The following DISP3 variants were observed in gnomAD, a reference collection of about 807,000 sequenced individuals.
DISP3 encodes the protein dispatched RND transporter family member 3.
A neutral mutation model predicts 135.3 loss-of-function variants in DISP3; 101 were observed. The ratio of observed to expected loss-of-function variants is 0.75; its 90% CI spans 0.64 to 0.88. DISP3 has a LOEUF of 0.88. Ranked by LOEUF, DISP3 falls within the 40% of genes least tolerant of loss-of-function variation. The probability of loss-of-function intolerance (pLI) is 0.00; values close to 1 mark genes in which losing one functional copy is unlikely to be tolerated. For missense variants in DISP3, 1,713 were observed against 1,878.6 expected, an observed-to-expected ratio of 0.91 and a Z score of 1.63; for synonymous variants, 856 against 817.0, an observed-to-expected ratio of 1.05 and a Z score of -0.81.
rs1254644188 is a variant in DISP3 at position 11,531,172 on chromosome 1, G to C, written c.3229+139G>C. ...TCTTTTGCAGATGTGTATCTGTGCT[G>C]AGCATGTCCACACCAGGGTGGGGTG... On this transcript the variant is annotated intron_variant, in intron 16 of 20. Coordinates refer to ENST00000294484, the MANE Select transcript of DISP3 (RefSeq NM_020780.2). This position sits in a 1 kb window ranked among gnomAD's most constrained non-coding sequence, Gnocchi z 5.2. 11 of 1,376,686 alleles carry C rather than the reference G, an allele frequency of 8.0e-6. No individual in the cohort carries two copies. The highest frequency in any genetic ancestry group is 9.8e-6 in the Non-Finnish European group (10 of 1,015,340). The allele number at this position is 1,376,686 out of a possible 1,614,324, so 85.3% of individuals were successfully genotyped here. A position where few individuals can be genotyped will look rare whatever the true frequency, so the allele number is the denominator to read the frequency against.
chr1:11,523,198 G>A (rs939428648), intron 10 of DISP3, among the ~76,000 whole-genome samples: 3 of 152,272 alleles, frequency 2.0e-5, no homozygotes, highest in Non-Finnish European at 4.4e-5. Context: ...GGATGGCTGT[G>A]AGGATTAAAA....
intron 1 of DISP3, among the ~76,000 whole-genome samples, chr1:11,493,885 G>T (rs576790599): frequency 6.6e-6 from 1 of 152,338 alleles, no homozygotes; most frequent in African/African-American, 2.4e-5. Context: ...AGCTTCTGAG[G>T]TTGGTGGGAG....
chr1:11,534,396 A>T lies in DISP3; in HGVS notation c.3391A>T (p.Lys1131Ter). 6.2e-7 allele frequency: 1 copy of T among 1,614,238 alleles called. No individual in the cohort carries two copies. The highest frequency in any genetic ancestry group is 8.5e-7 in the Non-Finnish European group (1 of 1,180,036). Residue 1131 changes from lysine to a stop codon, truncating the protein, a stop_gained, in exon 18 of 21, where the codon AAA becomes TAA. Transcript: ENST00000294484. LOFTEE classifies it high-confidence loss of function. ...CTCCCCACAGACCACGTACAAGGGC[A>T]AATCCTCCTTCCAGACCTACTCGGA... ...MAFESTTYKGKSSFQTYSDYL... is the reference protein window; with the variant it reads ...MAFESTTYKG
At chr1:11,534,337 C>A in intron 17 of DISP3, 44 bp from the exon 18 acceptor site, 8 of 1,611,216 alleles carry the variant, frequency 5.0e-6, no homozygotes, top group Non-Finnish European at 5.1e-6. Context: ...GGCGGGTGGG[C>A]CACAGTCCCT....
intron 4 of DISP3, 24 bp downstream of exon 4, chr1:11,514,550 C>T (rs1421428463): frequency 4.4e-6 from 7 of 1,607,052 alleles, no homozygotes; most frequent in Admixed American, 1.7e-5. Flanking sequence ...CAAGCCAGCC[C>T]CCTCCTCCCC....
chr1:11,516,074 G>A lies in DISP3; in HGVS notation c.1662G>A (p.Met554Ile), dbSNP rs770941899. The A allele has an allele frequency of 1.9e-6, 3 of 1,614,162 alleles. No homozygotes were observed. The highest frequency in any genetic ancestry group is 2.5e-6 in the Non-Finnish European group (3 of 1,180,022). Residue 554 changes from methionine to isoleucine, a missense_variant, in exon 6 of 21, where the codon ATG becomes ATA. Coordinates refer to ENST00000294484, the MANE Select transcript of DISP3 (RefSeq NM_020780.2). The surrounding 1 kb of genome is among the most constrained non-coding windows in gnomAD (Gnocchi z 5.1). ...ATHLEDPQLR[M>I]IHTVQTAGKA... The stretch of plus-strand genomic sequence containing the variant: ...ACCTGGAAGACCCACAGCTGCGCAT[G>A]ATCCACACCGTCCAAACTGCAGGCA...
intron 13 of DISP3, 41 bp downstream of exon 13, chr1:11,526,876 G>A (rs1642436004): frequency 2.5e-6 from 4 of 1,574,896 alleles, no homozygotes; most frequent in Non-Finnish European, 3.4e-6. Flanking sequence ...CATCAGCCCG[G>A]CTGCTTCTTT....
chr1:11,529,987 G>A lies in DISP3; in HGVS notation c.3102+28G>A, dbSNP rs768199985. The A allele has an allele frequency of 3.1e-5, 50 of 1,602,524 alleles. No homozygotes were observed. The highest frequency in any genetic ancestry group is 2.4e-4 in the South Asian group (22 of 90,590). ...ACGGGGCATGCGTCGGGCAGATGCC[G>A]AGGGCCCCAGCTGCAACAGTCTTGC... On this transcript the variant is annotated intron_variant, in intron 15 of 20. Coordinates refer to ENST00000294484, the MANE Select transcript of DISP3 (RefSeq NM_020780.2). This position sits in a 1 kb window ranked among gnomAD's most constrained non-coding sequence, Gnocchi z 4.7.
chr1:11,526,598 C>A, intron 12 of DISP3, 53 bp from the exon 13 acceptor site: 1 of 1,574,864 alleles, frequency 6.3e-7, no homozygotes, highest in South Asian at 1.1e-5. Flanking sequence ...CTGGCCCAGG[C>A]CGAGGCAGCC....
At chr1:11,513,746 A>G (rs772887571) in intron 3 of DISP3, among the ~76,000 whole-genome samples, 15 of 152,194 alleles carry the variant, frequency 9.9e-5, no homozygotes, top group Middle Eastern at 3.2e-3. Flanking sequence ...GGAAACTCTC[A>G]AAGCACTAAG....
intron 1 of DISP3, among the ~76,000 whole-genome samples, chr1:11,492,121 C>CA (rs59755389): frequency 0.15 from 9,293 of 61,546 alleles, 1,294 homozygotes; most frequent in African/African-American, 0.33. Context: ...GACTCCGTCT[C>CA]AAAAAAAAAA....
chr1:11,527,797 C>T (rs918884367), intron 13 of DISP3, among the ~76,000 whole-genome samples: 1 of 152,158 alleles, frequency 6.6e-6, no homozygotes, highest in African/African-American at 2.4e-5. Context: ...CCCAGCTCCT[C>T]AAGTGTGAGA....
intron 7 of DISP3, among the ~76,000 whole-genome samples, chr1:11,517,947 A>G (rs1642059424): frequency 6.6e-6 from 1 of 152,234 alleles, no homozygotes; most frequent in Non-Finnish European, 1.5e-5. Context: ...AGTAGGCAGT[A>G]GAGCCTGGAT....
rs367606000 is a variant in DISP3, at chr1:11,519,364, G to A, written c.1899G>A (p.Gln633=). The A allele has an allele frequency of 1.2e-6, 2 of 1,613,748 alleles. No individual in the cohort carries two copies. Among genetic ancestry groups the A allele is most frequent in the Non-Finnish European group, 1.7e-6 (2 of 1,179,968 alleles). The change falls in exon 8 of 21, where the codon CAG becomes CAA. Residue 633 remains glutamine (Q), a synonymous_variant. Coordinates refer to ENST00000294484, the MANE Select transcript of DISP3 (RefSeq NM_020780.2). The surrounding 1 kb of genome is among the most constrained non-coding windows in gnomAD (Gnocchi z 4.3). ...CCTACTCTCTCCACAGCTGCCACCA[G>A]AATTGCAGCCGGAAGACCTCCCTGC... ...LESSCQTSCH[Q]NCSRKTSLHF...
Position 11,529,890 on chromosome 1 carries a change from C to G in DISP3, c.3033C>G (p.Val1011=), listed in dbSNP as rs973850308. 2 of 1,614,044 alleles carry G rather than the reference C, an allele frequency of 1.2e-6. No individual in the cohort carries two copies. The highest frequency in any genetic ancestry group is 1.1e-5 in the South Asian group (1 of 91,082). The change falls in exon 15 of 21, where the codon GTC becomes GTG. Residue 1011 remains valine, a synonymous_variant. Coordinates refer to ENST00000294484, the MANE Select transcript of DISP3 (RefSeq NM_020780.2). The surrounding 1 kb of genome is among the most constrained non-coding windows in gnomAD (Gnocchi z 4.7). The part of the protein sequence containing the change: ...VRPLVDTGAM[V]FVVFGIIGVN... ...CACTAGTGGATACCGGGGCCATGGT[C>G]TTTGTGGTCTTCGGCATTATTGGCG...
Position 11,501,188 on chromosome 1 carries a change from T to A in DISP3, c.196T>A (p.Trp66Arg), listed in dbSNP as rs200078773. The A allele has an allele frequency of 2.5e-5, 40 of 1,614,056 alleles. No individual in the cohort carries two copies. Among genetic ancestry groups the A allele is most frequent in the Non-Finnish European group, 3.1e-5 (37 of 1,179,920 alleles). The change falls in exon 2 of 21, where the codon TGG (tryptophan) becomes AGG (arginine). Residue 66 changes from tryptophan to arginine, a missense_variant. Coordinates refer to ENST00000294484, the MANE Select transcript of DISP3 (RefSeq NM_020780.2). This position sits in a 1 kb window ranked among gnomAD's most constrained non-coding sequence, Gnocchi z 4.9. ...TTCGGGCTTCTGGAGTACCCTGGGCTGGGCCTTCACCAATCCGTGCTGTGC... is the reference window on the plus strand; with the variant it reads ...TTCGGGCTTCTGGAGTACCCTGGGCAGGGCCTTCACCAATCCGTGCTGTGC... ...PASGFWSTLGWAFTNPCCAGL... is the reference protein window; with the variant it reads ...PASGFWSTLGRAFTNPCCAGL...
In DISP3 at chr1:11,531,569, C is replaced by T. The variant is rs1318641724; in HGVS notation, c.3234C>T (p.Tyr1078=). The change falls in exon 17 of 21, where the codon TAC becomes TAT. Residue 1078 remains tyrosine, a synonymous_variant. Transcript: ENST00000294484. The surrounding 1 kb of genome is among the most constrained non-coding windows in gnomAD (Gnocchi z 5.2). ...PGGAQCLPSG[Y]SISSFLQMLH... is the part of the protein sequence containing the mutation. ...CTTTCTTGCCTCTCCCCGCAGGCTA[C>T]AGCATCTCCTCCTTCCTGCAGATGT... 8 of 1,613,468 alleles carry T rather than the reference C, an allele frequency of 5.0e-6. No homozygotes were observed. The highest frequency in any genetic ancestry group is 6.8e-6 in the Non-Finnish European group (8 of 1,179,972).
intron 12 of DISP3, among the ~76,000 whole-genome samples, chr1:11,526,230 G>C (rs1642414943): frequency 1.3e-5 from 2 of 152,160 alleles, no homozygotes; most frequent in African/African-American, 4.8e-5. Context: ...GCTCGTTCAG[G>C]TCTCAACATG....
At chr1:11,488,494 G>A (rs772740955) in intron 1 of DISP3, among the ~76,000 whole-genome samples, 8 of 152,182 alleles carry the variant, frequency 5.3e-5, no homozygotes, top group South Asian at 2.1e-4. Flanking sequence ...GGTGGGCACC[G>A]AAGGTGAGAT....
Sources: gnomAD v4.1 joint callset for allele counts (sites outside exome capture counted in the v4.1 genomes callset) on GRCh38, gnomAD v4.1.1 for gene constraint, Gnocchi (gnomAD v3.1) non-coding constraint, MANE v1.5 for transcripts, NCBI Gene and HGNC (gene_info 2026-07-23, HGNC 2026-07-21) for gene names.